CSDE1: variants seen among roughly 807,000 people sequenced by gnomAD.
The protein encoded by CSDE1 is cold shock domain-containing protein E1.
In CSDE1, 17 loss-of-function variants were observed where a neutral mutation model predicts 89.3. That is an observed-to-expected ratio of 0.19 (90% confidence interval 0.13 to 0.29). The LOEUF (loss-of-function observed/expected upper bound fraction) is 0.29, where lower values mean the gene tolerates loss of function less well. Among genes scored for constraint, CSDE1 ranks in the 10% least tolerant of loss-of-function variants. The probability of loss-of-function intolerance (pLI) is 1.00; values close to 1 mark genes in which losing one functional copy is unlikely to be tolerated. For synonymous variants in CSDE1, 322 were observed against 332.8 expected, an observed-to-expected ratio of 0.97 and a Z score of 0.35; for missense variants, 672 against 984.2, an observed-to-expected ratio of 0.68 and a Z score of 4.24.
intron 6 of CSDE1, among the ~76,000 whole-genome samples, chr1:114,735,860 T>C (rs1477700599): frequency 6.6e-6 from 1 of 152,204 alleles, no homozygotes; most frequent in Non-Finnish European, 1.5e-5. Flanking sequence ...CAGCTCTATA[T>C]ACTTCCCCTA....
At chr1:114,719,173 G>C (rs1288003331) in intron 18 of CSDE1, among the ~76,000 whole-genome samples, 1 of 152,162 alleles carries the variant, frequency 6.6e-6, no homozygotes, top group African/African-American at 2.4e-5. Flanking sequence ...GCTGCATGTG[G>C]TGGCGCATGC....
chr1:114,730,664 T>G lies in CSDE1; in HGVS notation c.1051-16A>C, dbSNP rs756077509. ...CAATCACACCCTGAAACCCAAATAA[T>G]ATTTTCACTGGCTGTGAAACTTGTC... On this transcript the variant is annotated splice_polypyrimidine_tract_variant and intron_variant, in intron 10 of 19. Coordinates refer to ENST00000358528, the MANE Select transcript of CSDE1 (RefSeq NM_001007553.3). 8 of 1,610,812 alleles carry G rather than the reference T, an allele frequency of 5.0e-6. No homozygotes were observed. In the South Asian group the frequency reaches 6.6e-5, roughly 13 times the overall value.
chr1:114,718,356 G>A (rs1344064086), intron 19 of CSDE1, 140 bp from the exon 20 acceptor site: 3 of 1,099,244 alleles, frequency 2.7e-6, no homozygotes, highest in African/African-American at 1.6e-5. Context: ...TCCTAGAGGA[G>A]AAAATCCACA....
chr1:114,719,387 G>A (rs756680469), intron 18 of CSDE1, among the ~76,000 whole-genome samples, 192 bp downstream of exon 18: 1 of 152,170 alleles, frequency 6.6e-6, no homozygotes, highest in Non-Finnish European at 1.5e-5. Context: ...CTTAATGGAA[G>A]AAGAAGAATT....
At chr1:114,736,361 A>C (rs1660401041) in intron 6 of CSDE1, among the ~76,000 whole-genome samples, 1 of 152,216 alleles carries the variant, frequency 6.6e-6, no homozygotes, top group Non-Finnish European at 1.5e-5. Flanking sequence ...AAGAATGCTC[A>C]AACTTTACCT....
At chr1:114,735,835 T>C (rs1056054400) in intron 6 of CSDE1, among the ~76,000 whole-genome samples, 1 of 152,212 alleles carries the variant, frequency 6.6e-6, no homozygotes, top group Non-Finnish European at 1.5e-5. Context: ...TAACTGTGTA[T>C]GCTGATGAAT....
At chr1:114,733,599 A>G (rs187623991) in intron 9 of CSDE1, 133 bp downstream of exon 9, 23 of 603,422 alleles carry the variant, frequency 3.8e-5, no homozygotes, top group Admixed American at 7.3e-5. Context: ...GTTTAAATAT[A>G]CGTAACAAGA....
At position 114,734,135 on chromosome 1, in the gene CSDE1, A is replaced by C. The variant is rs776146054; in HGVS notation, c.583-18T>G. 26 of 1,601,070 alleles carry C rather than the reference A, an allele frequency of 1.6e-5. No homozygotes were observed. The highest frequency in any genetic ancestry group is 2.2e-5 in the Non-Finnish European group (26 of 1,177,088). ...AATGCCTCCTGAAGCAAAATAAAAA[A>C]CCAAGAACATTATTACCACTCTGTA... On this transcript the variant is annotated intron_variant, in intron 7 of 19. Transcript: ENST00000358528.
chr1:114,744,074 T>C (rs974818785), intron 2 of CSDE1, among the ~76,000 whole-genome samples: 5 of 152,182 alleles, frequency 3.3e-5, no homozygotes, highest in African/African-American at 4.8e-5. Flanking sequence ...AACAATTACA[T>C]GAAAGTATAG....
Position 114,720,535 on chromosome 1 carries a change from T to C in CSDE1, c.2052+4A>G. The C allele has an allele frequency of 6.2e-7, 1 of 1,606,988 alleles. No homozygotes were observed. The highest frequency in any genetic ancestry group is 8.5e-7 in the Non-Finnish European group (1 of 1,175,520). ...AATTCAGATACAGAGATGCTGGCAC[T>C]TACCTGATCTTTCACACATTCCACT... is the stretch of plus-strand genomic sequence containing the variant. On this transcript the variant is annotated splice_donor_region_variant and intron_variant, in intron 17 of 19. Transcript: ENST00000358528.
intron 6 of CSDE1, 56 bp downstream of exon 6, chr1:114,736,702 T>G: frequency 9.2e-7 from 1 of 1,081,734 alleles, no homozygotes. Flanking sequence ...AATTTCTTAA[T>G]GGAGGGGGGA....
At chr1:114,743,156 A>AT (rs1660824547) in intron 2 of CSDE1, among the ~76,000 whole-genome samples, 3 of 151,990 alleles carry the variant, frequency 2.0e-5, no homozygotes, top group Admixed American at 6.6e-5. Context: ...TAATTAATTA[A>AT]TTTATTTTTG....
At chr1:114,738,261 CCAAAGA>C (rs1212138256) in intron 3 of CSDE1, among the ~76,000 whole-genome samples, 189 bp from the exon 4 acceptor site, 3 of 152,134 alleles carry the variant, frequency 2.0e-5, no homozygotes, top group African/African-American at 7.2e-5. Flanking sequence ...CTAGTCCTAG[CCAAAGA>C]CAAACTCTGG....
chr1:114,727,170 T>C (rs539454446), intron 12 of CSDE1, 80 bp from the exon 13 acceptor site: 2 of 969,590 alleles, frequency 2.1e-6, no homozygotes, highest in East Asian at 5.0e-5. Flanking sequence ...TTCTTACATA[T>C]TCTTGTGCCA....
chr1:114,735,942 T>A (rs1406883327), intron 6 of CSDE1, among the ~76,000 whole-genome samples: 7 of 152,140 alleles, frequency 4.6e-5, no homozygotes, highest in African/African-American at 1.7e-4. Flanking sequence ...AGATTTGATA[T>A]CTCTACCCAG....
chr1:114,727,876 T>A (rs1659884858), intron 12 of CSDE1: 1 of 152,172 alleles, frequency 6.6e-6, no homozygotes, highest in African/African-American at 2.4e-5. Flanking sequence ...CACCGTTAAG[T>A]AATGACAGTG....
chr1:114,743,724 C>T (rs916573263), intron 2 of CSDE1, among the ~76,000 whole-genome samples: 4 of 152,164 alleles, frequency 2.6e-5, no homozygotes, highest in Non-Finnish European at 5.9e-5. Context: ...CTAAGTTGTT[C>T]CCCAACAAGA....
Position 114,727,145 on chromosome 1 carries a change from T to C in CSDE1, c.1357-55A>G. 3.3e-6 allele frequency: 4 copies of C among 1,198,260 alleles called. No individual in the cohort carries two copies. The South Asian group carries it at 3.7e-5, about 11-fold the overall frequency. The allele number at this position is 1,198,260 out of a possible 1,614,324, so 74.2% of individuals were successfully genotyped here. The stretch of plus-strand genomic sequence containing the variant: ...AAACAATCTCAAGAACAAAAACCAA[T>C]AAAAACAACTATAGTTCTTACATAT... On this transcript the variant is annotated intron_variant, in intron 12 of 19. Coordinates refer to ENST00000358528, the MANE Select transcript of CSDE1 (RefSeq NM_001007553.3).
At chr1:114,730,673 T>C in intron 10 of CSDE1, 25 bp from the exon 11 acceptor site, 1 of 1,610,132 alleles carries the variant, frequency 6.2e-7, no homozygotes, top group Non-Finnish European at 8.5e-7. Flanking sequence ...ATATTTTCAC[T>C]GGCTGTGAAA....
Sources: allele counts gnomAD v4.1 joint callset (sites outside exome capture counted in the v4.1 genomes callset), GRCh38; gene constraint gnomAD v4.1.1; transcripts MANE v1.5; gene names NCBI Gene and HGNC (gene_info 2026-07-23, HGNC 2026-07-21).